The following TMPRSS15 variants were observed in gnomAD, a reference collection of about 807,000 sequenced individuals.
The protein encoded by TMPRSS15 is enteropeptidase.
TMPRSS15 carries 128 observed loss-of-function variants against 125.3 expected under a neutral mutation model. The observed-to-expected ratio is 1.02, with a 90% CI of 0.89 to 1.18. TMPRSS15 has a LOEUF of 1.18. Ranked by LOEUF, TMPRSS15 falls within the 50% of genes most tolerant of loss-of-function variation. TMPRSS15 has a pLI of 0.00. For synonymous variants in TMPRSS15, 446 were observed against 423.2 expected (o/e 1.05, Z -0.66); for missense variants, 1,283 against 1,212.7 (o/e 1.06, Z -0.86).
At chr21:18,378,679 A>G (rs2075865447) in intron 5 of TMPRSS15, among the ~76,000 whole-genome samples, 1 of 152,072 alleles carries the variant, frequency 6.6e-6, no homozygotes, top group Admixed American at 6.6e-5. Flanking sequence ...TTAGTGACAC[A>G]CCCAGGACAT....
chr21:18,424,367 C>G (rs1032504507), intron 1 of TMPRSS15, among the ~76,000 whole-genome samples: 3 of 152,156 alleles, frequency 2.0e-5, no homozygotes, highest in African/African-American at 7.2e-5. Flanking sequence ...CCCAGCCAAA[C>G]GTTGTGGAGA....
Position 18,317,875 on chromosome 21 carries a change from A to G in TMPRSS15, c.1922-2619T>C, listed in dbSNP as rs1307945158. ...ATCCCATCCCATCCCATCCCATCCC[A>G]TCCCATCCCATCCCATCCCATCCCA... On this transcript the variant is annotated intron_variant, in intron 16 of 24. Transcript: ENST00000284885. 4.0e-5 allele frequency among the ~76,000 whole-genome samples: 4 copies of G among 100,224 alleles called. No individual in the cohort carries two copies. In the East Asian group the frequency reaches 1.3e-3, roughly 33 times the overall value. 65.8% of individuals were successfully genotyped at this position (100,224 alleles called of 152,430 possible). A position where few individuals can be genotyped will look rare whatever the true frequency, so the allele number is the denominator to read the frequency against.
At chr21:18,334,919 G>T (rs1227291689) in intron 13 of TMPRSS15, among the ~76,000 whole-genome samples, 2 of 152,198 alleles carry the variant, frequency 1.3e-5, no homozygotes, top group African/African-American at 4.8e-5. Flanking sequence ...TGACAAGTAA[G>T]GTCAAGGATG....
intron 14 of TMPRSS15, among the ~76,000 whole-genome samples, chr21:18,330,434 C>G (rs942613268): frequency 6.6e-6 from 1 of 152,178 alleles, no homozygotes; most frequent in Admixed American, 6.5e-5. Flanking sequence ...AAAATTCTTT[C>G]ACACTTCTAA....
intron 1 of TMPRSS15, among the ~76,000 whole-genome samples, chr21:18,400,279 G>C (rs2076082644): frequency 1.3e-5 from 2 of 152,072 alleles, no homozygotes; most frequent in Non-Finnish European, 2.9e-5. Flanking sequence ...GCAATCCTAA[G>C]CTAAAAGAAC....
At chr21:18,357,880 G>A (rs529484181) in intron 8 of TMPRSS15, among the ~76,000 whole-genome samples, 2 of 151,598 alleles carry the variant, frequency 1.3e-5, no homozygotes, top group Admixed American at 6.6e-5. Context: ...GAAAAAATTA[G>A]AATTTTTAAT....
chr21:18,341,967 A>G (rs1307558386), intron 12 of TMPRSS15, among the ~76,000 whole-genome samples: 1 of 152,132 alleles, frequency 6.6e-6, no homozygotes, highest in Non-Finnish European at 1.5e-5. Context: ...TCCTTCTTAG[A>G]GCATACAAAG....
intron 1 of TMPRSS15, among the ~76,000 whole-genome samples, chr21:18,445,382 A>T (rs13052644): frequency 0.39 from 58,789 of 151,490 alleles, 12,014 homozygotes; most frequent in Middle Eastern, 0.51. Flanking sequence ...GGTTTCACCA[A>T]GCTGGCCAGG....
chr21:18,412,634 G>T (rs1479760950), intron 1 of TMPRSS15, among the ~76,000 whole-genome samples: 1 of 152,158 alleles, frequency 6.6e-6, no homozygotes, highest in Non-Finnish European at 1.5e-5. Context: ...TCAGTTTCGA[G>T]AACAAAGTGG....
chr21:18,404,981 T>C (rs1240915594), upstream of TMPRSS15, among the ~76,000 whole-genome samples: 14 of 152,246 alleles, frequency 9.2e-5, no homozygotes, highest in Admixed American at 9.2e-4. Context: ...ATTTTATTTA[T>C]ATTCTAGGGG....
At chr21:18,295,924 G>A (rs529845903) in intron 19 of TMPRSS15, among the ~76,000 whole-genome samples, 3 of 152,206 alleles carry the variant, frequency 2.0e-5, no homozygotes, top group African/African-American at 2.4e-5. Context: ...AGGCGGAGGC[G>A]GGCGGATCAC....
chr21:18,292,852 C>T (rs9305859), intron 21 of TMPRSS15, among the ~76,000 whole-genome samples: 123,323 of 152,202 alleles, frequency 0.81, 50,081 homozygotes, highest in Non-Finnish European at 0.83. Context: ...CCTCTACAGA[C>T]GCTTGTTATA....
intron 1 of TMPRSS15, among the ~76,000 whole-genome samples, chr21:18,449,785 C>T (rs141480545): frequency 6.6e-6 from 1 of 151,900 alleles, no homozygotes; most frequent in Non-Finnish European, 1.5e-5. Flanking sequence ...CACTCTCAGA[C>T]CATTTCACTA....
intron 24 of TMPRSS15, 95 bp downstream of exon 24, chr21:18,275,102 C>T: frequency 2.7e-6 from 4 of 1,477,334 alleles, no homozygotes; most frequent in South Asian, 2.3e-5. Flanking sequence ...ATGAAAGAAG[C>T]TTATTTCTTT....
rs1258543989 is a variant in TMPRSS15 at position 18,466,803 on chromosome 21, A to T, written c.10+18996T>A. Among the ~76,000 whole-genome samples the T allele has an allele frequency of 2.0e-5, 3 of 152,162 alleles. No individual in the cohort carries two copies. The East Asian group carries it at 5.8e-4, about 29-fold the overall frequency. The stretch of plus-strand genomic sequence containing the variant: ...TGGAGAAACAGGAATGCTTGTACAC[A>T]GTTGGTGAGAGTGTAAATTAGTTCA... On this transcript the variant is annotated intron_variant, in intron 1 of 7. Coordinates refer to the TMPRSS15 transcript ENST00000422787.
intron 22 of TMPRSS15, among the ~76,000 whole-genome samples, chr21:18,280,196 A>G (rs900813155): frequency 6.6e-6 from 1 of 152,242 alleles, no homozygotes; most frequent in African/African-American, 2.4e-5. Context: ...TCACTTTATC[A>G]GGGGATTTCT....
intron 1 of TMPRSS15, among the ~76,000 whole-genome samples, chr21:18,429,038 T>C (rs952328939): frequency 6.6e-6 from 1 of 152,170 alleles, no homozygotes; most frequent in African/African-American, 2.4e-5. Flanking sequence ...GGAACCCACC[T>C]CTTGCATCAG....
chr21:18,269,128 AT>A lies in TMPRSS15; in HGVS notation c.*840del, dbSNP rs1202269358. 6.6e-6 allele frequency: 1 copy of A among 152,216 alleles called. No homozygotes were observed. Among genetic ancestry groups the A allele is most frequent in the Non-Finnish European group, 1.5e-5 (1 of 68,032 alleles). The allele number at this position is 152,216 out of a possible 1,614,324, so 9.4% of individuals were successfully genotyped here. ...GGGATTAAACAAGTGAAGCAAATTC[AT>A]TTATTACACATATTTGACCTTCTCA... is the stretch of plus-strand genomic sequence containing the variant. On this transcript the variant is annotated 3_prime_UTR_variant, in exon 25 of 25. Coordinates refer to ENST00000284885, the MANE Select transcript of TMPRSS15 (RefSeq NM_002772.3).
chr21:18,458,751 C>G (rs1238896379), intron 1 of TMPRSS15, among the ~76,000 whole-genome samples: 1 of 152,182 alleles, frequency 6.6e-6, no homozygotes, highest in Admixed American at 6.6e-5. Flanking sequence ...TCAACCCTAA[C>G]AGACCCATGG....
Sources: gnomAD v4.1 joint callset for allele counts (sites outside exome capture counted in the v4.1 genomes callset) on GRCh38, gnomAD v4.1.1 for gene constraint, MANE v1.5 for transcripts, NCBI Gene and HGNC (gene_info 2026-07-23, HGNC 2026-07-21) for gene names.